Variants in OLAH observed in about 807,000 individuals in gnomAD.
The protein encoded by OLAH is oleoyl-ACP hydrolase, also known as S-acyl fatty acid synthase thioesterase, medium chain.
A neutral mutation model predicts 27.8 loss-of-function variants in OLAH; 33 were observed. The observed-to-expected ratio is 1.19, with a 90% CI of 0.90 to 1.59. The LOEUF (loss-of-function observed/expected upper bound fraction) is 1.59, where lower values mean the gene tolerates loss of function less well. OLAH is among the 40% of genes most tolerant of loss of function. The pLI is 0.00. For missense variants in OLAH, 359 were observed against 310.8 expected, an observed-to-expected ratio of 1.16 and a Z score of -1.17; for synonymous variants, 120 against 102.9, an observed-to-expected ratio of 1.17 and a Z score of -1.01.
intron 3 of OLAH, among the ~76,000 whole-genome samples, chr10:15,051,340 T>C (rs1231626846): frequency 2.0e-5 from 3 of 152,240 alleles, no homozygotes; most frequent in Non-Finnish European, 4.4e-5. Context: ...TTAAAGTATA[T>C]AGCATAAAAA....
chr10:15,033,701 G>A (rs1482940874), intron 1 of OLAH, among the ~76,000 whole-genome samples: 2 of 152,118 alleles, frequency 1.3e-5, no homozygotes, highest in African/African-American at 4.8e-5. Context: ...TACTTTGAAC[G>A]TGCGTCCTCC....
intron 1 of OLAH, among the ~76,000 whole-genome samples, chr10:15,033,491 A>T (rs1169009692): frequency 6.6e-6 from 1 of 152,056 alleles, no homozygotes; most frequent in Non-Finnish European, 1.5e-5. Flanking sequence ...GAAAAAGGAG[A>T]AGAAAGAGGG....
At chr10:15,040,784 A>C (rs1843907975), upstream of OLAH, among the ~76,000 whole-genome samples, 1 of 152,220 alleles carries the variant, frequency 6.6e-6, no homozygotes, top group South Asian at 2.1e-4. Flanking sequence ...CTCCATACTC[A>C]AAGAGCTTAC....
chr10:15,052,142 G>A lies in OLAH; in HGVS notation c.163+2377G>A, dbSNP rs1016829542. ...ACTAAAAATACAGAAAATTAACTGA[G>A]CGTAGTAGTGCACGCCTATAATCCC... On this transcript the variant is annotated intron_variant, in intron 3 of 7. Transcript: ENST00000378228. Among the ~76,000 whole-genome samples the A allele has an allele frequency of 7.9e-5, 12 of 152,226 alleles. No homozygotes were observed. In the East Asian group the frequency reaches 1.3e-3, roughly 17 times the overall value.
rs572238066 is a variant in OLAH, at chr10:15,047,697, C to T, written c.32+377C>T. Among the ~76,000 whole-genome samples the T allele has an allele frequency of 2.0e-3, 303 of 151,610 alleles. 1 individual carries two copies. The highest frequency in any genetic ancestry group is 5.7e-3 in the Admixed American group (87 of 15,166). On this transcript the variant is annotated intron_variant, in intron 2 of 7. Transcript: ENST00000378228. Reference sequence around the variant, plus strand: ...TCCAGCCTGGTTGACAGCAAGAATCCATCTCAAAAAAAATAAAAATTAGTC... The same window carrying T: ...TCCAGCCTGGTTGACAGCAAGAATCTATCTCAAAAAAAATAAAAATTAGTC...
chr10:15,065,168 A>G (rs1043960803), intron 5 of OLAH, among the ~76,000 whole-genome samples: 1 of 152,210 alleles, frequency 6.6e-6, no homozygotes, highest in African/African-American at 2.4e-5. Context: ...AACTTAACCA[A>G]CTTTGAGCAA....
chr10:15,043,309 A>G (rs1843955256), upstream of OLAH, among the ~76,000 whole-genome samples: 1 of 152,188 alleles, frequency 6.6e-6, no homozygotes, highest in Non-Finnish European at 1.5e-5. Flanking sequence ...TTGAAAGCTT[A>G]GAAGGGTGCT....
chr10:15,047,978 A>C (rs1054805232), intron 2 of OLAH, among the ~76,000 whole-genome samples: 1 of 152,150 alleles, frequency 6.6e-6, no homozygotes, highest in South Asian at 2.1e-4. Context: ...TCAACTGAAA[A>C]AACGAGAGGG....
At chr10:15,060,538 T>C (rs1393898835) in intron 3 of OLAH, among the ~76,000 whole-genome samples, 2 of 152,038 alleles carry the variant, frequency 1.3e-5, no homozygotes, top group Non-Finnish European at 2.9e-5. Context: ...TCTTGGTATC[T>C]AGTCTGCTGT....
At position 15,047,274 on chromosome 10, in the gene OLAH, A is replaced by G; in HGVS notation, c.-15A>G. On this transcript the variant is annotated 5_prime_UTR_variant, in exon 2 of 8. Transcript: ENST00000378228. ...CGCCACAGAGACCAGCCATCTTGCA[A>G]CCTCACCTCACAGCATGGAGAGAGG... The G allele has an allele frequency of 6.2e-7, 1 of 1,613,116 alleles. No individual in the cohort carries two copies. Among genetic ancestry groups the G allele is most frequent in the Non-Finnish European group, 8.5e-7 (1 of 1,179,578 alleles).
At chr10:15,060,776 T>C (rs1336763908) in intron 3 of OLAH, among the ~76,000 whole-genome samples, 1 of 152,192 alleles carries the variant, frequency 6.6e-6, no homozygotes, top group Non-Finnish European at 1.5e-5. Flanking sequence ...GGAGTTGTTA[T>C]GGGTCATACC....
At chr10:15,038,206 T>C (rs1356257791) in intron 1 of OLAH, among the ~76,000 whole-genome samples, 1 of 152,238 alleles carries the variant, frequency 6.6e-6, no homozygotes, top group Non-Finnish European at 1.5e-5. Context: ...CTGTACCCCA[T>C]TGTATCTAGG....
At chr10:15,046,562 G>C (rs551575603) in intron 1 of OLAH, among the ~76,000 whole-genome samples, 199 of 151,844 alleles carry the variant, frequency 1.3e-3, no homozygotes, top group African/African-American at 4.6e-3. Flanking sequence ...TCATCTCCCG[G>C]GTTCAAGCGA....
At chr10:15,044,439 T>A (rs1437457412) in intron 1 of OLAH, among the ~76,000 whole-genome samples, 2 of 151,334 alleles carry the variant, frequency 1.3e-5, no homozygotes, top group Non-Finnish European at 2.9e-5. Flanking sequence ...ATTTTATATA[T>A]ATATATTTTT....
chr10:15,065,505 CT>C (rs1401335493), intron 5 of OLAH, 78 bp from the exon 6 acceptor site: 2 of 1,447,470 alleles, frequency 1.4e-6, no homozygotes, highest in Non-Finnish European at 1.9e-6. Flanking sequence ...TGACTTTTCC[CT>C]TAGATCAACA....
At chr10:15,046,616 G>A (rs1844023356) in intron 1 of OLAH, among the ~76,000 whole-genome samples, 1 of 151,836 alleles carries the variant, frequency 6.6e-6, no homozygotes, top group African/African-American at 2.4e-5. Flanking sequence ...TACAGCCATG[G>A]GCCACATATC....
intron 3 of OLAH, among the ~76,000 whole-genome samples, chr10:15,055,155 G>A (rs1844222700): frequency 6.6e-6 from 1 of 152,034 alleles, no homozygotes; most frequent in Non-Finnish European, 1.5e-5. Flanking sequence ...TAGTAGAGAT[G>A]GGGAAAGTGT....
chr10:15,036,408 G>A (rs993553406), intron 1 of OLAH, among the ~76,000 whole-genome samples: 4 of 152,240 alleles, frequency 2.6e-5, no homozygotes, highest in Admixed American at 2.0e-4. Context: ...TGAGGCAGGA[G>A]AATCGCCGAA....
chr10:15,047,211 C>G lies in OLAH; in HGVS notation c.-78C>G, dbSNP rs1844035828. On this transcript the variant is annotated 5_prime_UTR_variant, in exon 2 of 8. Transcript: ENST00000378228. ...TGCATAAGGCCGAGCAGAGGTTCTTCGTCTCAAGAGGAACTGACTTCTGTT... is the reference window on the plus strand; with the variant it reads ...TGCATAAGGCCGAGCAGAGGTTCTTGGTCTCAAGAGGAACTGACTTCTGTT... 1 of 1,468,748 alleles carries G rather than the reference C, an allele frequency of 6.8e-7. No homozygotes were observed. The highest frequency in any genetic ancestry group is 1.9e-5 in the Admixed American group (1 of 52,658). 91.0% of individuals were successfully genotyped at this position (1,468,748 alleles called of 1,614,324 possible). A position where few individuals can be genotyped will look rare whatever the true frequency, so the allele number is the denominator to read the frequency against.
Sources: gnomAD v4.1 joint callset for allele counts (sites outside exome capture counted in the v4.1 genomes callset) on GRCh38, gnomAD v4.1.1 for gene constraint, MANE v1.5 for transcripts, NCBI Gene and HGNC (gene_info 2026-07-23, HGNC 2026-07-21) for gene names.